TEX36: variants seen among roughly 807,000 people sequenced by gnomAD.
TEX36 encodes testis expressed 36.
In TEX36, 12 loss-of-function variants were observed where a neutral mutation model predicts 13.6. The ratio of observed to expected loss-of-function variants is 0.88; its 90% confidence interval spans 0.56 to 1.43. The LOEUF (loss-of-function observed/expected upper bound fraction) is 1.43, where lower values mean the gene tolerates loss of function less well. Ranked by LOEUF, TEX36 falls within the 40% of genes most tolerant of loss-of-function variation. The pLI, the probability that TEX36 is intolerant of heterozygous loss-of-function variation, is 0.00. For missense variants in TEX36, 224 were observed against 228.3 expected (o/e 0.98, Z 0.12); for synonymous variants, 93 against 83.0 (o/e 1.12, Z -0.65).
chr10:125,602,369 C>A (rs567132848), intron 3 of TEX36, among the ~76,000 whole-genome samples: 2 of 152,270 alleles, frequency 1.3e-5, no homozygotes, highest in African/African-American at 4.8e-5. Context: ...TAAAAAAATT[C>A]TCAGCTCTCA....
chr10:125,597,465 A>T (rs972770706), intron 3 of TEX36, among the ~76,000 whole-genome samples: 3 of 152,386 alleles, frequency 2.0e-5, no homozygotes, highest in South Asian at 2.1e-4. Context: ...GCTTACAAGC[A>T]AGAGTTTCTA....
intron 1 of TEX36, among the ~76,000 whole-genome samples, chr10:125,678,844 A>T (rs1847350296): frequency 6.6e-6 from 1 of 151,996 alleles, no homozygotes. Flanking sequence ...GTCATGGAAG[A>T]GGAGGCAAAG....
rs928710114 is a variant in TEX36, at chr10:125,576,944, G to A, written c.265-70C>T. On this transcript the variant is annotated intron_variant, in intron 3 of 3. Coordinates refer to the TEX36 transcript ENST00000532135. ...TTAAATCCTTGTAGTTCAGCAATCA[G>A]AGAGGAAAGGGGGCCTTATTCTCCC... The A allele has an allele frequency of 2.0e-6, 3 of 1,525,406 alleles. No homozygotes were observed. The African/African-American group carries it at 4.1e-5, about 21-fold the overall frequency. The allele number at this position is 1,525,406 out of a possible 1,614,324, so 94.5% of individuals were successfully genotyped here. A position where few individuals can be genotyped will look rare whatever the true frequency, so the allele number is the denominator to read the frequency against.
chr10:125,636,029 G>A (rs562625652), intron 3 of TEX36, among the ~76,000 whole-genome samples: 14 of 150,782 alleles, frequency 9.3e-5, no homozygotes, highest in East Asian at 4.0e-4. Flanking sequence ...GCACACTACC[G>A]CACCTGGCTA....
intron 3 of TEX36, among the ~76,000 whole-genome samples, chr10:125,612,714 G>A (rs1344204707): frequency 6.6e-6 from 1 of 151,440 alleles, no homozygotes. Context: ...AAAAGTAATC[G>A]AGTATATCTT....
intron 3 of TEX36, among the ~76,000 whole-genome samples, chr10:125,623,908 A>G (rs1589759744): frequency 6.6e-6 from 1 of 152,362 alleles, no homozygotes; most frequent in Non-Finnish European, 1.5e-5. Context: ...CATGGGACAT[A>G]GTAACAGGGA....
chr10:125,628,181 C>G (rs1191060403), intron 3 of TEX36, among the ~76,000 whole-genome samples: 1 of 152,206 alleles, frequency 6.6e-6, no homozygotes, highest in African/African-American at 2.4e-5. Context: ...AAACATCTGG[C>G]TTTGTGTGCT....
intron 3 of TEX36, among the ~76,000 whole-genome samples, chr10:125,636,074 C>T (rs915816371): frequency 1.3e-5 from 2 of 151,914 alleles, no homozygotes; most frequent in Non-Finnish European, 2.9e-5. Flanking sequence ...GAGATCTCGC[C>T]ATGTTGCCCA....
intron 3 of TEX36, among the ~76,000 whole-genome samples, chr10:125,642,657 G>A (rs956394262): frequency 1.3e-5 from 2 of 152,104 alleles, no homozygotes; most frequent in African/African-American, 2.4e-5. Context: ...CTTAAGAAAG[G>A]TTTTTTTGTT....
intron 3 of TEX36, among the ~76,000 whole-genome samples, chr10:125,586,937 C>A (rs894377007): frequency 3.9e-5 from 6 of 152,072 alleles, no homozygotes; most frequent in African/African-American, 1.4e-4. Context: ...AATGGACTAG[C>A]ACCATCCCCC....
chr10:125,633,841 C>T (rs950658068), intron 3 of TEX36, among the ~76,000 whole-genome samples: 1 of 152,092 alleles, frequency 6.6e-6, no homozygotes, highest in Non-Finnish European at 1.5e-5. Context: ...CACGGTTCTA[C>T]GTTGTTTGAC....
chr10:125,596,744 T>C (rs924521603), intron 3 of TEX36, among the ~76,000 whole-genome samples: 1 of 152,182 alleles, frequency 6.6e-6, no homozygotes, highest in Non-Finnish European at 1.5e-5. Flanking sequence ...ACCACCTGCA[T>C]GAGAAATCAG....
intron 1 of TEX36, chr10:125,667,148 T>C (rs1327578550): frequency 1.2e-5 from 8 of 695,444 alleles, no homozygotes; most frequent in African/African-American, 5.3e-5. Context: ...AGGAATGTGA[T>C]CCCAGGGACA....
rs150029867 is a variant in TEX36, at chr10:125,656,355, C to T, written c.265-159G>A. Among the ~76,000 whole-genome samples, 261 of 137,862 alleles carry T rather than the reference C, an allele frequency of 1.9e-3. 1 individual carries two copies. The highest frequency in any genetic ancestry group is 6.7e-3 in the African/African-American group (255 of 37,782). The allele number at this position is 137,862 out of a possible 152,430, so 90.4% of individuals were successfully genotyped here. ...CACTGCAGCCTCTGCCTCCCGGGTT[C>T]AAGCAATTCTCATGCCTTAGCCTCC... is the stretch of plus-strand genomic sequence containing the variant. On this transcript the variant is annotated intron_variant, in intron 3 of 3. Coordinates refer to ENST00000368821, the MANE Select transcript of TEX36 (RefSeq NM_001128202.3).
intron 3 of TEX36, among the ~76,000 whole-genome samples, chr10:125,593,785 A>T (rs1300470761): frequency 3.3e-5 from 5 of 152,192 alleles, no homozygotes; most frequent in Non-Finnish European, 7.3e-5. Flanking sequence ...TTCGTGTTTG[A>T]TGGGCACAGA....
chr10:125,621,516 C>T (rs552820221), downstream of TEX36: 41 of 424,448 alleles, frequency 9.7e-5, 1 homozygote, highest in Middle Eastern at 4.9e-4. Flanking sequence ...TTGCCTTTTC[C>T]ACTTATATTA....
At chr10:125,639,681 T>C (rs187852137) in intron 3 of TEX36, among the ~76,000 whole-genome samples, 7 of 152,316 alleles carry the variant, frequency 4.6e-5, no homozygotes, top group Admixed American at 1.3e-4. Flanking sequence ...CAGATTCAGT[T>C]GGCAAACATG....
At chr10:125,581,475 G>C (rs1391725114) in intron 3 of TEX36, among the ~76,000 whole-genome samples, 1 of 152,018 alleles carries the variant, frequency 6.6e-6, no homozygotes, top group Non-Finnish European at 1.5e-5. Flanking sequence ...TATCCTCCTG[G>C]GTATTCTCAA....
In TEX36 at chr10:125,659,994, G is replaced by T. The variant is rs1847007784; in HGVS notation, c.264+1027C>A. On this transcript the variant is annotated intron_variant, in intron 3 of 3. Transcript: ENST00000368821. ...ATATGTGAGTTGTCTACGTTGAGAT[G>T]TTACATAAGTGTAAAACACAAACTG... Among the ~76,000 whole-genome samples, 3 of 152,154 alleles carry T rather than the reference G, an allele frequency of 2.0e-5. No homozygotes were observed. The South Asian group carries it at 6.2e-4, about 32-fold the overall frequency.
Sources: allele counts gnomAD v4.1 joint callset (sites outside exome capture counted in the v4.1 genomes callset), GRCh38; gene constraint gnomAD v4.1.1; transcripts MANE v1.5; gene names NCBI Gene and HGNC (gene_info 2026-07-23, HGNC 2026-07-21).